Variants in THSD4 observed in about 807,000 individuals in gnomAD.
The protein encoded by THSD4 is thrombospondin type 1 domain containing 4, also known as thrombospondin type-1 domain-containing protein 4.
THSD4 carries 69 observed loss-of-function variants against 119.0 expected under a neutral mutation model. That is an observed-to-expected ratio of 0.58 (90% CI 0.48 to 0.71). The LOEUF is 0.71. Ranked by LOEUF, THSD4 falls within the 30% of genes least tolerant of loss-of-function variation. The pLI is 0.00. For missense variants in THSD4, 1,393 were observed against 1,391.1 expected (o/e 1.00, Z -0.02); for synonymous variants, 524 against 540.4 (o/e 0.97, Z 0.42).
At chr15:71,766,213 G>A (rs2053714756) in intron 16 of THSD4, among the ~76,000 whole-genome samples, 1 of 152,016 alleles carries the variant, frequency 6.6e-6, no homozygotes, top group Non-Finnish European at 1.5e-5. Context: ...AAGTTGAAGA[G>A]TTCATTTTCA....
chr15:71,326,534 A>G (rs1434877110), intron 6 of THSD4, among the ~76,000 whole-genome samples: 1 of 149,580 alleles, frequency 6.7e-6, no homozygotes, highest in Non-Finnish European at 1.5e-5. Context: ...AAAATCAGCC[A>G]GGTGTGGTGG....
At position 71,119,439 on chromosome 15, in the gene THSD4, T is replaced by A. The variant is rs1596207351; in HGVS notation, c.-80+3741T>A. Among the ~76,000 whole-genome samples, 3 of 152,314 alleles carry A rather than the reference T, an allele frequency of 2.0e-5. No homozygotes were observed. The South Asian group carries it at 6.2e-4, about 32-fold the overall frequency. On this transcript the variant is annotated intron_variant, in intron 1 of 17. Coordinates refer to ENST00000261862, the MANE Select transcript of THSD4 (RefSeq NM_024817.3). ...GTTCTAGCGACAGGTGGTGGGTTAATACGCCACTTTATCCCAGGCAGCATG... is the reference window on the plus strand; with the variant it reads ...GTTCTAGCGACAGGTGGTGGGTTAAAACGCCACTTTATCCCAGGCAGCATG...
rs1379191762 is a variant in THSD4, at chr15:71,326,889, C to T, written c.1015+70174C>T. Among the ~76,000 whole-genome samples, 8 of 149,214 alleles carry T rather than the reference C, an allele frequency of 5.4e-5. No homozygotes were observed. The South Asian group carries it at 6.4e-4, about 12-fold the overall frequency. On this transcript the variant is annotated intron_variant, in intron 6 of 17. Transcript: ENST00000261862. The stretch of plus-strand genomic sequence containing the variant: ...CCCTGTCTCTAAAAAGCAAACAGGC[C>T]GAGCATGGTGGCTCACGCCTGTAAT...
Position 71,098,174 on chromosome 15 carries a change from A to T in THSD4, c.-80+1168A>T, listed in dbSNP as rs557245145. 4.6e-5 allele frequency among the ~76,000 whole-genome samples: 7 copies of T among 151,150 alleles called. No homozygotes were observed. In the South Asian group the frequency reaches 1.5e-3, roughly 32 times the overall value. ...TCTATAACCTGAATATAACTTTCCA[A>T]TAAAAATTCTTTCACTTTTTTTTTT... On this transcript the variant is annotated intron_variant, in intron 1 of 17. Transcript: ENST00000355327.
chr15:71,580,294 A>C (rs2049533931), intron 7 of THSD4, among the ~76,000 whole-genome samples: 1 of 152,168 alleles, frequency 6.6e-6, no homozygotes, highest in African/African-American at 2.4e-5. Context: ...CTTAAATGGC[A>C]GACTCTAAGG....
At chr15:71,165,349 G>A (rs1386430381) in intron 3 of THSD4, 20 of 1,441,458 alleles carry the variant, frequency 1.4e-5, no homozygotes, top group Admixed American at 1.0e-4. Context: ...TGCTCCTCCC[G>A]ACGTTTGCAC....
chr15:71,689,145 A>G (rs1472890647), intron 8 of THSD4, among the ~76,000 whole-genome samples: 1 of 152,224 alleles, frequency 6.6e-6, no homozygotes, highest in Non-Finnish European at 1.5e-5. Context: ...TGACCAAGAT[A>G]TACTAATAAT....
At chr15:71,535,403 G>C (rs1477256172) in intron 7 of THSD4, among the ~76,000 whole-genome samples, 2 of 152,082 alleles carry the variant, frequency 1.3e-5, no homozygotes, top group Non-Finnish European at 2.9e-5. Flanking sequence ...TTTGAGTTAC[G>C]TCCATTTCGG....
chr15:71,469,628 G>C (rs2047546055), intron 7 of THSD4, among the ~76,000 whole-genome samples: 1 of 152,254 alleles, frequency 6.6e-6, no homozygotes, highest in South Asian at 2.1e-4. Context: ...AGCCGGATAT[G>C]TGTTCAACTT....
chr15:71,402,062 T>G (rs1358287043), intron 6 of THSD4, among the ~76,000 whole-genome samples: 1 of 120,790 alleles, frequency 8.3e-6, no homozygotes, highest in African/African-American at 3.4e-5. Flanking sequence ...TGAGAACACA[T>G]GGACACAGGG....
At chr15:71,169,408 A>G (rs1050495230) in intron 3 of THSD4, among the ~76,000 whole-genome samples, 5 of 152,224 alleles carry the variant, frequency 3.3e-5, no homozygotes, top group African/African-American at 1.2e-4. Flanking sequence ...TGATCTGGCT[A>G]CTGTATTCCT....
intron 3 of THSD4, among the ~76,000 whole-genome samples, chr15:71,211,376 A>G (rs372470844): frequency 6.6e-6 from 1 of 152,060 alleles, no homozygotes; most frequent in East Asian, 1.9e-4. Context: ...TTTCCTGGTG[A>G]GGGTTCTCTT....
intron 11 of THSD4, among the ~76,000 whole-genome samples, chr15:71,739,407 T>G (rs1201031786): frequency 1.3e-5 from 2 of 152,186 alleles, no homozygotes; most frequent in Non-Finnish European, 1.5e-5. Flanking sequence ...AGTAGGGTTG[T>G]GATAGGCTGA....
At chr15:71,560,807 C>T (rs2049100007) in intron 7 of THSD4, among the ~76,000 whole-genome samples, 1 of 151,966 alleles carries the variant, frequency 6.6e-6, no homozygotes, top group African/African-American at 2.4e-5. Flanking sequence ...TAGGAGTGAC[C>T]ACTAAACTAC....
At chr15:71,555,712 G>A (rs1449518926) in intron 7 of THSD4, among the ~76,000 whole-genome samples, 2 of 152,072 alleles carry the variant, frequency 1.3e-5, no homozygotes, top group African/African-American at 2.4e-5. Context: ...TGATCCCAAG[G>A]TTATAGACAT....
In THSD4 at chr15:71,658,571, C is replaced by G. The variant is rs139773040; in HGVS notation, c.1153-1959C>G. On this transcript the variant is annotated intron_variant, in intron 7 of 17. Transcript: ENST00000261862. ...CCTTGATAACATGGGTTCTACTATT[C>G]AAAACCCCTGTTGATGGTGACATTT... Among the ~76,000 whole-genome samples the G allele has an allele frequency of 4.2e-3, 644 of 152,274 alleles. 8 individuals carry two copies. The East Asian group carries it at 0.049, about 12-fold the overall frequency.
intron 11 of THSD4, among the ~76,000 whole-genome samples, chr15:71,741,291 G>GAGC (rs1442651003): frequency 2.6e-5 from 4 of 152,118 alleles, no homozygotes; most frequent in African/African-American, 9.7e-5. Context: ...AGGAGTTCAA[G>GAGC]AGCAGCCTGG....
intron 6 of THSD4, among the ~76,000 whole-genome samples, chr15:71,273,727 G>A (rs1024036737): frequency 2.6e-5 from 4 of 152,162 alleles, no homozygotes; most frequent in African/African-American, 9.7e-5. Flanking sequence ...GCTTTGCTGG[G>A]CGTAGGAATC....
chr15:71,749,733 A>ATTTATTTATTTAT (rs1256003466), intron 14 of THSD4, among the ~76,000 whole-genome samples: 1 of 146,244 alleles, frequency 6.8e-6, no homozygotes, highest in African/African-American at 2.5e-5. Context: ...TTATTTATTT[A>ATTTATTTATTTAT]TTTTGAGACC....
Sources: allele counts gnomAD v4.1 joint callset (sites outside exome capture counted in the v4.1 genomes callset), GRCh38; gene constraint gnomAD v4.1.1; transcripts MANE v1.5; gene names NCBI Gene and HGNC (gene_info 2026-07-23, HGNC 2026-07-21).